AJAP1: variants seen among roughly 807,000 people sequenced by gnomAD.
AJAP1 encodes adherens junctions associated protein 1, also known as adherens junction-associated protein 1.
Under a neutral mutation model 35.0 loss-of-function variants are expected in AJAP1, and 5 were observed. The ratio of observed to expected loss-of-function variants is 0.14; its 90% CI spans 0.07 to 0.30. The LOEUF is 0.30. Among genes scored for constraint, AJAP1 ranks in the 10% least tolerant of loss-of-function variants. The pLI, the probability that AJAP1 is intolerant of heterozygous loss-of-function variation, is 1.00. For missense variants in AJAP1, 586 were observed against 571.0 expected (o/e 1.03, Z -0.27); for synonymous variants, 284 against 249.3 (o/e 1.14, Z -1.31).
In AJAP1 at chr1:4,655,759, A is replaced by G. The variant is rs1211252946; in HGVS notation, c.29+305A>G. Among the ~76,000 whole-genome samples the G allele has an allele frequency of 6.7e-6, 1 of 148,900 alleles. No individual in the cohort carries two copies. Among genetic ancestry groups the G allele is most frequent in the South Asian group, 2.1e-4 (1 of 4,752 alleles). ...CCGCAGCTCTAGGAGCCAGCAGCGC[A>G]GTGTCCTGGCCGGCTGCCCCGGCGC... On this transcript the variant is annotated intron_variant, in intron 1 of 5. Coordinates refer to ENST00000378191, the MANE Select transcript of AJAP1 (RefSeq NM_018836.4). The surrounding 1 kb of genome is among the most constrained non-coding windows in gnomAD (Gnocchi z 6.9).
chr1:4,752,544 C>T lies in AJAP1; in HGVS notation c.830-17309C>T, dbSNP rs560790044. ...GCAGGCTCTGAATAAATAGTAGTAT[C>T]ATATTATGGAGTTTAAATTAAATCA... On this transcript the variant is annotated intron_variant, in intron 2 of 5. Transcript: ENST00000378191. Among the ~76,000 whole-genome samples, 3 of 152,236 alleles carry T rather than the reference C, an allele frequency of 2.0e-5. No homozygotes were observed. In the South Asian group the frequency reaches 6.2e-4, roughly 32 times the overall value.
intron 1 of AJAP1, among the ~76,000 whole-genome samples, chr1:4,703,342 C>T (rs2100249050): frequency 6.6e-6 from 1 of 152,138 alleles, no homozygotes; most frequent in African/African-American, 2.4e-5. Flanking sequence ...GGGGGTTGGC[C>T]TCTGCTCTGA....
At chr1:4,711,707 G>C (rs1474688111) in intron 1 of AJAP1, among the ~76,000 whole-genome samples, 193 bp from the exon 2 acceptor site, 1 of 152,190 alleles carries the variant, frequency 6.6e-6, no homozygotes, top group African/African-American at 2.4e-5. Flanking sequence ...AGCGCGCGCT[G>C]TTCTTGCACG....
At chr1:4,741,146 C>T (rs1002154259) in intron 2 of AJAP1, among the ~76,000 whole-genome samples, 9 of 152,190 alleles carry the variant, frequency 5.9e-5, no homozygotes, top group Non-Finnish European at 1.2e-4. Flanking sequence ...AAAACGGGAG[C>T]TAGGTTTCTC....
chr1:4,774,551 G>A lies in AJAP1; in HGVS notation c.*52G>A. 5 of 1,546,022 alleles carry A rather than the reference G, an allele frequency of 3.2e-6. No homozygotes were observed. The highest frequency in any genetic ancestry group is 4.5e-6 in the Non-Finnish European group (5 of 1,119,740). On this transcript the variant is annotated 3_prime_UTR_variant, in exon 5 of 6. Coordinates refer to ENST00000378191, the MANE Select transcript of AJAP1 (RefSeq NM_018836.4). The stretch of plus-strand genomic sequence containing the variant: ...GGGGCAGGGCAGACGCCGTGTGTCT[G>A]TTTCACGGTAGGTACCTCTCTTTGG...
At chr1:4,680,624 T>C (rs1443298342) in intron 1 of AJAP1, among the ~76,000 whole-genome samples, 1 of 152,242 alleles carries the variant, frequency 6.6e-6, no homozygotes, top group Non-Finnish European at 1.5e-5. Flanking sequence ...GCCACTGATG[T>C]CCACTTATCT....
At chr1:4,679,708 C>T (rs1226870075) in intron 1 of AJAP1, among the ~76,000 whole-genome samples, 3 of 152,100 alleles carry the variant, frequency 2.0e-5, no homozygotes, top group Non-Finnish European at 4.4e-5. Context: ...TCTCTGCCTC[C>T]ACTTCACATG....
rs114218916 is a variant in AJAP1 at position 4,722,269 on chromosome 1, G to A, written c.829+9570G>A. Among the ~76,000 whole-genome samples the A allele has an allele frequency of 1.4e-3, 207 of 152,368 alleles. 2 individuals are homozygous for A. The highest frequency in any genetic ancestry group is 4.8e-3 in the African/African-American group (201 of 41,590). On this transcript the variant is annotated intron_variant, in intron 2 of 5. Transcript: ENST00000378191. Reference sequence around the variant, plus strand: ...AGGAGGCCCTCTGGGTTCCAAGCATGTGGGTTAGCAGCACCGAGCCGCGGG... The same window carrying A: ...AGGAGGCCCTCTGGGTTCCAAGCATATGGGTTAGCAGCACCGAGCCGCGGG...
chr1:4,693,405 G>A lies in AJAP1; in HGVS notation c.30-18495G>A, dbSNP rs1417499252. On this transcript the variant is annotated intron_variant, in intron 1 of 5. Coordinates refer to ENST00000378191, the MANE Select transcript of AJAP1 (RefSeq NM_018836.4). The surrounding 1 kb of genome is among the most constrained non-coding windows in gnomAD (Gnocchi z 4.4). ...GCAGGGGGCGGGGGGAGGGATTGGA[G>A]GAGGCCTAAGCAGGAGCAGGTAGGG... Among the ~76,000 whole-genome samples the A allele has an allele frequency of 6.6e-6, 1 of 151,880 alleles. No homozygotes were observed. Among genetic ancestry groups the A allele is most frequent in the African/African-American group, 2.4e-5 (1 of 41,346 alleles).
chr1:4,765,725 A>G (rs1641669208), intron 2 of AJAP1, among the ~76,000 whole-genome samples: 1 of 152,242 alleles, frequency 6.6e-6, no homozygotes, highest in Admixed American at 6.5e-5. Flanking sequence ...GAAGGAATCA[A>G]ACTGGTACAT....
rs1292129561 is a variant in AJAP1 at position 4,790,212 on chromosome 1, G to A, written c.*7727G>A. On this transcript the variant is annotated 3_prime_UTR_variant, in exon 6 of 6. Transcript: ENST00000378191. ...AGGGCAGCAGCTGCTGCTCCCAGGG[G>A]AACCCTCTCCTGTTGCCTCCGCAGT... 6.6e-6 allele frequency: 1 copy of A among 152,240 alleles called. No homozygotes were observed. Among genetic ancestry groups the A allele is most frequent in the Non-Finnish European group, 1.5e-5 (1 of 68,066 alleles). 9.4% of individuals were successfully genotyped at this position (152,240 alleles called of 1,614,324 possible).
chr1:4,675,697 C>T (rs1037574307), intron 1 of AJAP1, among the ~76,000 whole-genome samples: 7 of 152,194 alleles, frequency 4.6e-5, no homozygotes, highest in East Asian at 3.9e-4. Context: ...GAGATGCCTT[C>T]CAGGAGCCCA....
chr1:4,727,620 G>A (rs996464497), intron 2 of AJAP1, among the ~76,000 whole-genome samples: 8 of 152,206 alleles, frequency 5.3e-5, no homozygotes, highest in African/African-American at 1.9e-4. Context: ...ACCCTGAGGT[G>A]GACCTGGGGT....
chr1:4,697,146 CTG>C (rs2100237425), intron 1 of AJAP1, among the ~76,000 whole-genome samples: 1 of 152,218 alleles, frequency 6.6e-6, no homozygotes, highest in East Asian at 1.9e-4. Flanking sequence ...TGGCTGTATT[CTG>C]TGTGTGCATG....
chr1:4,767,346 CATT>C (rs984955388), intron 2 of AJAP1, among the ~76,000 whole-genome samples: 1 of 152,050 alleles, frequency 6.6e-6, no homozygotes, highest in Non-Finnish European at 1.5e-5. Context: ...CCATCACCAT[CATT>C]ATCACCATCA....
At position 4,782,183 on chromosome 1, in the gene AJAP1, C is replaced by T. The variant is rs1642077023; in HGVS notation, c.*60-362C>T. On this transcript the variant is annotated intron_variant, in intron 5 of 5. Coordinates refer to ENST00000378191, the MANE Select transcript of AJAP1 (RefSeq NM_018836.4). This position sits in a 1 kb window ranked among gnomAD's most constrained non-coding sequence, Gnocchi z 5.3. ...AGCAGGGCTGCCACACGCAGGCCCC[C>T]TGACATGCACGCCTGGGACCGGATG... 6.6e-6 allele frequency among the ~76,000 whole-genome samples: 1 copy of T among 152,194 alleles called. No individual in the cohort carries two copies. Among genetic ancestry groups the T allele is most frequent in the Non-Finnish European group, 1.5e-5 (1 of 68,032 alleles).
chr1:4,721,943 T>C (rs185192398), intron 2 of AJAP1, among the ~76,000 whole-genome samples: 7 of 152,312 alleles, frequency 4.6e-5, no homozygotes, highest in African/African-American at 1.2e-4. Flanking sequence ...CCCCAGCCCA[T>C]CTTCACTGGA....
rs1302971280 is a variant in AJAP1, at chr1:4,654,769, C to T, written c.-657C>T. On this transcript the variant is annotated 5_prime_UTR_variant, in exon 1 of 6. Coordinates refer to ENST00000378191, the MANE Select transcript of AJAP1 (RefSeq NM_018836.4). This position sits in a 1 kb window ranked among gnomAD's most constrained non-coding sequence, Gnocchi z 5.1. The stretch of plus-strand genomic sequence containing the variant: ...TCCACGGCGCCCTCGCCCCGCGCGC[C>T]TCTCGTGCCCGCCTCCTGCCAGTCT... 6.7e-6 allele frequency: 1 copy of T among 149,652 alleles called. No homozygotes were observed. The highest frequency in any genetic ancestry group is 1.5e-5 in the Non-Finnish European group (1 of 67,304). 9.3% of individuals were successfully genotyped at this position (149,652 alleles called of 1,614,324 possible).
intron 2 of AJAP1, among the ~76,000 whole-genome samples, chr1:4,713,714 T>C (rs1288593341): frequency 6.6e-6 from 1 of 152,280 alleles, no homozygotes; most frequent in African/African-American, 2.4e-5. Context: ...AACCTAGATC[T>C]GTGCATACAC....
Sources: allele counts gnomAD v4.1 joint callset (sites outside exome capture counted in the v4.1 genomes callset), GRCh38; gene constraint gnomAD v4.1.1; non-coding constraint Gnocchi (gnomAD v3.1); transcripts MANE v1.5; gene names NCBI Gene and HGNC (gene_info 2026-07-23, HGNC 2026-07-21).